The following HDAC5 variants were observed in gnomAD, a reference collection of about 807,000 sequenced individuals.
The protein encoded by HDAC5 is antigen NY-CO-9.
Under a neutral mutation model 133.3 loss-of-function variants are expected in HDAC5, and 25 were observed. The ratio of observed to expected loss-of-function variants is 0.19; its 90% CI spans 0.14 to 0.26. The LOEUF is 0.26. Ranked by LOEUF, HDAC5 falls within the 10% of genes least tolerant of loss-of-function variation. The probability of loss-of-function intolerance (pLI) is 1.00; values close to 1 mark genes in which losing one functional copy is unlikely to be tolerated. For synonymous variants in HDAC5, 589 were observed against 610.8 expected (o/e 0.96, Z 0.53); for missense variants, 1,041 against 1,460.5 (o/e 0.71, Z 4.68).
At chr17:44,108,919 G>A (rs937009862) in intron 3 of HDAC5, among the ~76,000 whole-genome samples, 1 of 151,904 alleles carries the variant, frequency 6.6e-6, no homozygotes, top group Admixed American at 6.6e-5. Flanking sequence ...TGCCAGCATG[G>A]ACCAAGCCAC....
intron 3 of HDAC5, among the ~76,000 whole-genome samples, chr17:44,102,448 C>T (rs1045614550): frequency 6.6e-6 from 1 of 152,198 alleles, no homozygotes; most frequent in Non-Finnish European, 1.5e-5. Flanking sequence ...GCAACCTCCA[C>T]CTCCCGGCTT....
chr17:44,119,584 T>C (rs1412514653), intron 1 of HDAC5, among the ~76,000 whole-genome samples: 1 of 152,156 alleles, frequency 6.6e-6, no homozygotes, highest in Non-Finnish European at 1.5e-5. Flanking sequence ...CCCCGTCCTA[T>C]AAAATTCAGC....
At chr17:44,084,992 G>A in intron 15 of HDAC5, 30 bp downstream of exon 15, 1 of 1,566,606 alleles carries the variant, frequency 6.4e-7, no homozygotes, top group East Asian at 2.3e-5. Context: ...GATTTAAGTT[G>A]AGAGCCAGAA....
At chr17:44,108,419 C>T (rs772627286) in intron 3 of HDAC5, among the ~76,000 whole-genome samples, 14 of 152,178 alleles carry the variant, frequency 9.2e-5, no homozygotes, top group Non-Finnish European at 1.6e-4. Flanking sequence ...CAAGACAGCC[C>T]AGAGAGCAAA....
chr17:44,084,546 C>T lies in HDAC5; in HGVS notation c.2305+9G>A. Reference sequence around the variant, plus strand: ...ACATGCCTGCCCGCCCACCCATGTGCCAGCTCACCGAGCAACTTCTTGCTG... The same window carrying T: ...ACATGCCTGCCCGCCCACCCATGTGTCAGCTCACCGAGCAACTTCTTGCTG... On this transcript the variant is annotated intron_variant, in intron 16 of 26. Transcript: ENST00000682912. 2.5e-6 allele frequency: 4 copies of T among 1,613,808 alleles called. No homozygotes were observed. The highest frequency in any genetic ancestry group is 2.5e-6 in the Non-Finnish European group (3 of 1,179,806).
chr17:44,114,572 G>A (rs958186927), intron 2 of HDAC5, among the ~76,000 whole-genome samples: 5 of 152,182 alleles, frequency 3.3e-5, no homozygotes, highest in Non-Finnish European at 1.5e-5. Context: ...GATCCTGGCC[G>A]CCTCCTCCAT....
At chr17:44,096,027 C>T (rs1419055256) in intron 3 of HDAC5, among the ~76,000 whole-genome samples, 3 of 152,094 alleles carry the variant, frequency 2.0e-5, no homozygotes, top group Admixed American at 6.6e-5. Flanking sequence ...TTTGTACCTA[C>T]ACACAGTTCT....
At chr17:44,083,083 A>C (rs2050472701) in intron 18 of HDAC5, among the ~76,000 whole-genome samples, 1 of 151,990 alleles carries the variant, frequency 6.6e-6, no homozygotes, top group Non-Finnish European at 1.5e-5. Flanking sequence ...GGCTCAGACA[A>C]TCCTTCCACC....
At position 44,093,722 on chromosome 17, in the gene HDAC5, G is replaced by A. The variant is rs372674785; in HGVS notation, c.207C>T (p.Pro69=). The change falls in exon 4 of 27, where the codon CCC becomes CCT. Residue 69 remains proline, a synonymous_variant. Transcript: ENST00000682912. ...LRGALVGSVD[P]TLREQQLQQE... is the part of the protein sequence containing the mutation. ...GCTGCAGTTGCTGCTCCCGCAGTGT[G>A]GGGTCCACAGAGCCCACCAGAGCCC... 4 of 1,605,260 alleles carry A rather than the reference G, an allele frequency of 2.5e-6. No individual in the cohort carries two copies. The highest frequency in any genetic ancestry group is 2.7e-5 in the African/African-American group (2 of 74,838).
chr17:44,123,033 T>C (rs1233259465), intron 1 of HDAC5, among the ~76,000 whole-genome samples: 1 of 152,084 alleles, frequency 6.6e-6, no homozygotes, highest in East Asian at 1.9e-4. Flanking sequence ...GATGCGTTCG[T>C]AGCTATGGGG....
intron 3 of HDAC5, among the ~76,000 whole-genome samples, chr17:44,094,419 C>G (rs1335464804): frequency 6.6e-6 from 1 of 151,898 alleles, no homozygotes; most frequent in Admixed American, 6.6e-5. Context: ...GGGTAGATCA[C>G]GAGGTCAGGA....
intron 1 of HDAC5, chr17:44,123,225 G>C (rs574545436): frequency 3.7e-6 from 1 of 273,612 alleles, no homozygotes; most frequent in African/African-American, 2.2e-5. Flanking sequence ...TGGGGGCGCA[G>C]GGCGCGAGAA....
chr17:44,092,993 C>A, intron 6 of HDAC5, 99 bp downstream of exon 6: 1 of 817,272 alleles, frequency 1.2e-6, no homozygotes, highest in South Asian at 1.8e-5. Flanking sequence ...ATTGCAGGGC[C>A]CGTATATGGG....
intron 3 of HDAC5, among the ~76,000 whole-genome samples, chr17:44,098,301 G>C (rs2051387956): frequency 6.6e-6 from 1 of 152,244 alleles, no homozygotes; most frequent in East Asian, 1.9e-4. Flanking sequence ...CAAGCACCTG[G>C]AAGGGGAAGT....
intron 17 of HDAC5, 72 bp from the exon 18 acceptor site, chr17:44,083,724 G>T: frequency 6.3e-7 from 1 of 1,579,404 alleles, no homozygotes; most frequent in Non-Finnish European, 8.7e-7. Context: ...CTGGACAGTG[G>T]GCCAGCGGCT....
At chr17:44,119,124 C>G (rs1035153441) in intron 1 of HDAC5, among the ~76,000 whole-genome samples, 8 of 152,194 alleles carry the variant, frequency 5.3e-5, no homozygotes, top group African/African-American at 1.9e-4. Flanking sequence ...TCCTGACGGG[C>G]ACAGGTATGG....
rs565607055 is a variant in HDAC5 at position 44,114,338 on chromosome 17, G to A, written c.22+3156C>T. ...ACTGCCTGCCTTCCCTGGGGGCTCT[G>A]AAGGAGGCAGAGCCCAAGGCTGGAA... On this transcript the variant is annotated intron_variant, in intron 2 of 26. Transcript: ENST00000682912. Among the ~76,000 whole-genome samples the A allele has an allele frequency of 5.3e-5, 8 of 152,260 alleles. No homozygotes were observed. In the East Asian group the frequency reaches 1.5e-3, roughly 29 times the overall value.
In HDAC5 at chr17:44,117,496, G is replaced by A. The variant is rs951329331; in HGVS notation, c.20C>T (p.Ser7Leu). ...TTCTCCAACCTCCCAGCTCTTACCC[G>A]ACTCGTTGGGAGAGTTCATGCCGGC... MNSPNE[S>L]DGMSGREPSL... Residue 7 changes from serine (S) to leucine (L), a missense_variant and splice_region_variant, in exon 2 of 27, where the codon TCG (serine) becomes TTG (leucine). Around this residue, in one of 9 missense-constraint regions of HDAC5, gnomAD observed 93 missense variants for 98.8 expected, o/e 0.94. Transcript: ENST00000682912. This position sits in a 1 kb window ranked among gnomAD's most constrained non-coding sequence, Gnocchi z 4.2. 1.2e-6 allele frequency: 2 copies of A among 1,613,938 alleles called. No homozygotes were observed. Among genetic ancestry groups the A allele is most frequent in the Non-Finnish European group, 1.7e-6 (2 of 1,180,012 alleles).
Position 44,108,769 on chromosome 17 carries a change from AAAAC to A in HDAC5, c.94+1956_94+1959del, listed in dbSNP as rs1567683646. Among the ~76,000 whole-genome samples the A allele has an allele frequency of 5.7e-3, 841 of 147,216 alleles. 21 individuals are homozygous for A. Among genetic ancestry groups the A allele is most frequent in the African/African-American group, 0.021 (797 of 37,804 alleles). On this transcript the variant is annotated intron_variant, in intron 3 of 26. Coordinates refer to ENST00000682912, the MANE Select transcript of HDAC5 (RefSeq NM_005474.5). ...CAGAGTCCAAAAAAAAAACAAAAAA[AAAAC>A]AAAAAAAAAACAAGGCTGCCGAGCT... is the stretch of plus-strand genomic sequence containing the variant.
Sources: gnomAD v4.1 joint callset for allele counts (sites outside exome capture counted in the v4.1 genomes callset) on GRCh38, gnomAD v4.1.1 for gene constraint, gnomAD v4.1.1 regional missense constraint, Gnocchi (gnomAD v3.1) non-coding constraint, MANE v1.5 for transcripts, NCBI Gene and HGNC (gene_info 2026-07-23, HGNC 2026-07-21) for gene names.